Variants in KL observed in about 807,000 individuals in gnomAD.
KL encodes the protein klotho.
KL carries 62 observed loss-of-function variants against 84.2 expected under a neutral mutation model. That is an observed-to-expected ratio of 0.74 (90% CI 0.60 to 0.91). The LOEUF is 0.91. KL is among the 40% of genes least tolerant of loss of function. The probability of loss-of-function intolerance (pLI) is 0.00; values close to 1 mark genes in which losing one functional copy is unlikely to be tolerated. For synonymous variants in KL, 528 were observed against 528.0 expected (o/e 1.00, Z 0.00); for missense variants, 1,261 against 1,305.7 (o/e 0.97, Z 0.53).
intron 1 of KL, among the ~76,000 whole-genome samples, chr13:33,029,912 C>T (rs1428910404): frequency 2.0e-5 from 3 of 151,032 alleles, no homozygotes; most frequent in African/African-American, 7.3e-5. Flanking sequence ...GGATTACAGG[C>T]GTGAGCCACC....
intron 3 of KL, among the ~76,000 whole-genome samples, chr13:33,057,565 G>A (rs1872010993): frequency 6.6e-6 from 1 of 152,064 alleles, no homozygotes; most frequent in African/African-American, 2.4e-5. Context: ...AGATCACACG[G>A]TCCTTTTTTC....
At chr13:33,030,597 C>T (rs769680347) in intron 1 of KL, among the ~76,000 whole-genome samples, 1 of 152,116 alleles carries the variant, frequency 6.6e-6, no homozygotes, top group African/African-American at 2.4e-5. Context: ...TGCAGACTCC[C>T]GACATCAGGA....
intron 1 of KL, among the ~76,000 whole-genome samples, chr13:33,052,693 C>A (rs1455520133): frequency 6.6e-6 from 1 of 152,132 alleles, no homozygotes; most frequent in Non-Finnish European, 1.5e-5. Context: ...GGCTGTTTGG[C>A]TTAATGAACA....
chr13:33,054,352 A>ATTCACATCAT, intron 2 of KL, 75 bp downstream of exon 2: 1 of 1,422,396 alleles, frequency 7.0e-7, no homozygotes, highest in Non-Finnish European at 9.8e-7. Flanking sequence ...TCTAACATAA[A>ATTCACATCAT]TGATGTGAAT....
In KL at chr13:33,038,320, A is replaced by G. The variant is rs78200923; in HGVS notation, c.820-15447A>G. 1.0e-3 allele frequency among the ~76,000 whole-genome samples: 153 copies of G among 152,306 alleles called. 2 individuals are homozygous for G. The East Asian group carries it at 0.027, about 27-fold the overall frequency. ...TTCACAACACGTTGGGTAAATTCTT[A>G]TATCTGTTCCTTTAATCATAGTTTC... On this transcript the variant is annotated intron_variant, in intron 1 of 4. Transcript: ENST00000380099.
At chr13:33,026,886 T>C (rs1870798045) in intron 1 of KL, among the ~76,000 whole-genome samples, 1 of 152,212 alleles carries the variant, frequency 6.6e-6, no homozygotes, top group African/African-American at 2.4e-5. Flanking sequence ...TACTGGTTCT[T>C]GCATGCCAGC....
At chr13:33,058,289 A>G (rs1872040167) in intron 3 of KL, among the ~76,000 whole-genome samples, 1 of 151,574 alleles carries the variant, frequency 6.6e-6, no homozygotes, top group African/African-American at 2.4e-5. Context: ...CTTAGTTAAC[A>G]AATTAATGGA....
intron 1 of KL, among the ~76,000 whole-genome samples, chr13:33,017,794 T>C (rs190653437): frequency 6.6e-6 from 1 of 152,328 alleles, no homozygotes; most frequent in Non-Finnish European, 1.5e-5. Context: ...TGGAGGTCCC[T>C]TCTGCGGCAG....
In KL at chr13:33,017,216, G is replaced by T; in HGVS notation, c.776G>T (p.Gly259Val). The T allele has an allele frequency of 6.3e-7, 1 of 1,592,776 alleles. No homozygotes were observed. The highest frequency in any genetic ancestry group is 8.5e-7 in the Non-Finnish European group (1 of 1,176,732). The change falls in exon 1 of 5, where the codon GGC becomes GTC. Residue 259 changes from glycine to valine, a missense_variant. Gly to Val is a moderately radical substitution (Grantham distance 109). Coordinates refer to ENST00000380099, the MANE Select transcript of KL (RefSeq NM_004795.4). ...GGGCGCCTGGCCCCCGGCATCCGGG[G>T]CAGCCCGCGGCTCGGGTACCTGGTG... ...ATGRLAPGIR[G>V]SPRLGYLVAH...
Position 33,061,034 on chromosome 13 carries a change from C to T in KL, c.1955C>T (p.Ala652Val). The T allele has an allele frequency of 6.2e-7, 1 of 1,612,016 alleles. No homozygotes were observed. The highest frequency in any genetic ancestry group is 1.1e-5 in the South Asian group (1 of 90,960). Residue 652 changes from alanine to valine, a missense_variant, in exon 4 of 5, where the codon GCC becomes GTC. Ala to Val is a moderately conservative substitution (Grantham distance 64). Transcript: ENST00000380099. Reference protein sequence around the residue: ...APNQGLPRLLARQGAWENPYT... With the variant: ...APNQGLPRLLVRQGAWENPYT... ...AACCAAGGACTGCCGCGCCTCCTGG[C>T]CAGGCAGGGCGCCTGGGAGAACCCC...
chr13:33,028,782 C>T (rs964207027), intron 1 of KL, among the ~76,000 whole-genome samples: 2 of 152,238 alleles, frequency 1.3e-5, no homozygotes, highest in Admixed American at 6.5e-5. Context: ...TACTACATTA[C>T]AAGGTCCAGC....
Position 33,017,251 on chromosome 13 carries a change from C to T in KL, c.811C>T (p.Leu271Phe). The T allele has an allele frequency of 1.9e-6, 3 of 1,574,292 alleles. No individual in the cohort carries two copies. The highest frequency in any genetic ancestry group is 2.6e-6 in the Non-Finnish European group (3 of 1,166,900). The change falls in exon 1 of 5, where the codon CTC becomes TTC. Residue 271 changes from leucine (L) to phenylalanine (F), a missense_variant. Physicochemically the swap from Leu to Phe is conservative, Grantham distance 22. Transcript: ENST00000380099. ...GCTCGGGTACCTGGTGGCGCACAAC[C>T]TCCTCCTGGTGAGTGCGAGGGGCCA... Reference protein sequence around the residue: ...PRLGYLVAHNLLLAHAKVWHL... With the variant: ...PRLGYLVAHNFLLAHAKVWHL...
intron 1 of KL, among the ~76,000 whole-genome samples, chr13:33,018,970 C>A (rs1027476958): frequency 1.3e-5 from 2 of 151,858 alleles, no homozygotes; most frequent in African/African-American, 4.8e-5. Context: ...ATCTTTTTGC[C>A]CACTCATGGC....
At chr13:33,037,545 C>T (rs1030189650) in intron 1 of KL, among the ~76,000 whole-genome samples, 1 of 151,992 alleles carries the variant, frequency 6.6e-6, no homozygotes, top group Non-Finnish European at 1.5e-5. Context: ...TCATTGTATC[C>T]ATGCCTTTTG....
At chr13:33,027,959 A>T (rs953420796) in intron 1 of KL, among the ~76,000 whole-genome samples, 3 of 152,218 alleles carry the variant, frequency 2.0e-5, no homozygotes, top group African/African-American at 7.2e-5. Context: ...TTGGATCATG[A>T]TGTGTGTCCA....
chr13:33,059,110 C>T (rs1000291906), intron 3 of KL, among the ~76,000 whole-genome samples: 3 of 152,146 alleles, frequency 2.0e-5, no homozygotes, highest in African/African-American at 7.2e-5. Flanking sequence ...GTTTCTGACC[C>T]CTGCTTTTAT....
At chr13:33,019,715 G>A (rs890944704) in intron 1 of KL, among the ~76,000 whole-genome samples, 1 of 115,906 alleles carries the variant, frequency 8.6e-6, no homozygotes, top group Non-Finnish European at 1.9e-5. Flanking sequence ...AATGGTGTGT[G>A]TGTGTGTGTG....
rs746291771 is a variant in KL at position 33,064,021 on chromosome 13, T to G, written c.2874T>G (p.Thr958=). The G allele has an allele frequency of 9.9e-6, 16 of 1,614,066 alleles. No individual in the cohort carries two copies. The highest frequency in any genetic ancestry group is 1.4e-5 in the Non-Finnish European group (16 of 1,180,038). ...IDSNGFPGPE[T]LERFCPEEFT... is the part of the protein sequence containing the mutation. ...GCAATGGTTTCCCGGGCCCAGAAAC[T>G]CTGGAAAGATTTTGTCCAGAAGAAT... The change falls in exon 5 of 5, where the codon ACT becomes ACG. Residue 958 remains threonine (T), a synonymous_variant. Transcript: ENST00000380099.
chr13:33,050,999 T>C (rs9536309), intron 1 of KL, among the ~76,000 whole-genome samples: 23,680 of 152,130 alleles, frequency 0.16, 1,926 homozygotes, highest in African/African-American at 0.18. Context: ...TTTATCAGTA[T>C]GTCACATCGC....
Sources: gnomAD v4.1 joint callset for allele counts (sites outside exome capture counted in the v4.1 genomes callset) on GRCh38, gnomAD v4.1.1 for gene constraint, MANE v1.5 for transcripts, NCBI Gene and HGNC (gene_info 2026-07-23, HGNC 2026-07-21) for gene names.